The following KCNH7 variants were observed in gnomAD, a reference collection of about 807,000 sequenced individuals.
The protein encoded by KCNH7 is potassium voltage-gated channel subfamily H member 7.
KCNH7 carries 49 observed loss-of-function variants against 120.8 expected under a neutral mutation model. The ratio of observed to expected loss-of-function variants is 0.41; its 90% CI spans 0.32 to 0.51. The LOEUF is 0.51. KCNH7 is among the 20% of genes least tolerant of loss of function. The pLI, the probability that KCNH7 is intolerant of heterozygous loss-of-function variation, is 0.38. For missense variants in KCNH7, 1,097 were observed against 1,446.6 expected, an observed-to-expected ratio of 0.76 and a Z score of 3.92; for synonymous variants, 547 against 516.1, an observed-to-expected ratio of 1.06 and a Z score of -0.81.
intron 2 of KCNH7, among the ~76,000 whole-genome samples, chr2:162,744,523 T>C (rs1340486265): frequency 6.6e-6 from 1 of 151,588 alleles, no homozygotes; most frequent in African/African-American, 2.4e-5. Context: ...AGCTGTGTCC[T>C]GACCGTTTAG....
At chr2:162,528,982 T>C (rs1199139727) in intron 3 of KCNH7, among the ~76,000 whole-genome samples, 3 of 151,948 alleles carry the variant, frequency 2.0e-5, no homozygotes, top group South Asian at 2.1e-4. Context: ...GGATAATGAC[T>C]ATTCATAATG....
At chr2:162,774,698 C>A (rs1683172268) in intron 2 of KCNH7, among the ~76,000 whole-genome samples, 2 of 152,072 alleles carry the variant, frequency 1.3e-5, no homozygotes, top group African/African-American at 4.8e-5. Flanking sequence ...CTTTTTATCA[C>A]AGAAAATTCT....
At chr2:162,413,408 T>C (rs549176358) in intron 9 of KCNH7, among the ~76,000 whole-genome samples, 1 of 152,108 alleles carries the variant, frequency 6.6e-6, no homozygotes, top group Non-Finnish European at 1.5e-5. Context: ...ATTACAGGGG[T>C]GAGCCACTGT....
chr2:162,820,191 C>T (rs1346410066), intron 2 of KCNH7, among the ~76,000 whole-genome samples: 1 of 131,930 alleles, frequency 7.6e-6, no homozygotes, highest in African/African-American at 2.8e-5. Context: ...AGGCGCCCAG[C>T]ACCACGCCCG....
At chr2:162,563,872 G>C (rs1359771478) in intron 2 of KCNH7, among the ~76,000 whole-genome samples, 1 of 152,004 alleles carries the variant, frequency 6.6e-6, no homozygotes, top group Admixed American at 6.6e-5. Flanking sequence ...CCTTGCACCT[G>C]GTGTGTACAG....
At chr2:162,430,019 A>G (rs1688012954) in intron 8 of KCNH7, among the ~76,000 whole-genome samples, 1 of 151,746 alleles carries the variant, frequency 6.6e-6, no homozygotes, top group Non-Finnish European at 1.5e-5. Context: ...TATACATTTA[A>G]CCTTCTTCAA....
chr2:162,762,393 G>GA (rs925023918), intron 2 of KCNH7, among the ~76,000 whole-genome samples: 3 of 8,634 alleles, frequency 3.5e-4, no homozygotes, highest in African/African-American at 6.8e-4. Flanking sequence ...GACTAACACT[G>GA]GGACAGGGAG....
chr2:162,656,464 T>C (rs965026954), intron 2 of KCNH7, among the ~76,000 whole-genome samples: 1 of 152,160 alleles, frequency 6.6e-6, no homozygotes, highest in Non-Finnish European at 1.5e-5. Context: ...CCATCATTTT[T>C]TGTAAGAAAA....
intron 9 of KCNH7, among the ~76,000 whole-genome samples, chr2:162,416,351 C>A (rs1687541226): frequency 7.0e-6 from 1 of 143,586 alleles, no homozygotes; most frequent in Non-Finnish European, 1.5e-5. Flanking sequence ...CCATCCTGAG[C>A]AACAGTGTGA....
intron 7 of KCNH7, among the ~76,000 whole-genome samples, chr2:162,441,551 C>T (rs1688415083): frequency 6.6e-6 from 1 of 151,990 alleles, no homozygotes; most frequent in South Asian, 2.1e-4. Flanking sequence ...TAATTAATTG[C>T]AAGAATCCTA....
intron 2 of KCNH7, among the ~76,000 whole-genome samples, chr2:162,553,323 G>A (rs1374403173): frequency 6.6e-6 from 1 of 152,160 alleles, no homozygotes; most frequent in Non-Finnish European, 1.5e-5. Context: ...AAGAGCCACA[G>A]GGGGCACTTT....
chr2:162,504,906 A>T (rs533698711), intron 5 of KCNH7, among the ~76,000 whole-genome samples: 1 of 152,120 alleles, frequency 6.6e-6, no homozygotes, highest in East Asian at 1.9e-4. Flanking sequence ...TTAGCTGTTA[A>T]TTAGTTTCTT....
At chr2:162,471,901 T>C (rs1689549077) in intron 6 of KCNH7, among the ~76,000 whole-genome samples, 1 of 152,100 alleles carries the variant, frequency 6.6e-6, no homozygotes, top group Non-Finnish European at 1.5e-5. Context: ...TATAGACCAA[T>C]GGAACAGAAC....
At chr2:162,486,548 C>T (rs1322586933) in intron 6 of KCNH7, among the ~76,000 whole-genome samples, 1 of 152,054 alleles carries the variant, frequency 6.6e-6, no homozygotes, top group Admixed American at 6.6e-5. Context: ...AAAAAGAAAC[C>T]TATGTGAGCT....
At chr2:162,674,570 G>A (rs536884120) in intron 2 of KCNH7, among the ~76,000 whole-genome samples, 102 of 151,598 alleles carry the variant, frequency 6.7e-4, no homozygotes, top group African/African-American at 2.2e-3. Context: ...TAAATTTAGG[G>A]GATCTATCCA....
At chr2:162,398,318 CT>C (rs1465319198) in intron 10 of KCNH7, among the ~76,000 whole-genome samples, 2 of 151,734 alleles carry the variant, frequency 1.3e-5, no homozygotes, top group Non-Finnish European at 2.9e-5. Flanking sequence ...CTATAATATT[CT>C]TGTTTTACAA....
At chr2:162,490,207 C>A (rs942748274) in intron 6 of KCNH7, among the ~76,000 whole-genome samples, 1 of 152,224 alleles carries the variant, frequency 6.6e-6, no homozygotes, top group Non-Finnish European at 1.5e-5. Flanking sequence ...CAAACATGCC[C>A]GCAGTGGCCT....
rs566203218 is a variant in KCNH7, at chr2:162,794,248, A to T, written c.307+42289T>A. Among the ~76,000 whole-genome samples the T allele has an allele frequency of 8.0e-5, 12 of 149,772 alleles. No individual in the cohort carries two copies. The South Asian group carries it at 2.5e-3, about 31-fold the overall frequency. On this transcript the variant is annotated intron_variant, in intron 2 of 15. Transcript: ENST00000332142. The stretch of plus-strand genomic sequence containing the variant: ...AAGGAAGGAAGGGCAGGAGGGAGAG[A>T]AGGAAGGAAGGAAGGAAGAGGAAAA...
intron 2 of KCNH7, among the ~76,000 whole-genome samples, chr2:162,616,122 C>T (rs1171744478): frequency 6.6e-6 from 1 of 152,112 alleles, no homozygotes; most frequent in Non-Finnish European, 1.5e-5. Context: ...AGGCATGACC[C>T]ATCAGTCCAG....
Sources: allele counts gnomAD v4.1 joint callset (sites outside exome capture counted in the v4.1 genomes callset), GRCh38; gene constraint gnomAD v4.1.1; transcripts MANE v1.5; gene names NCBI Gene and HGNC (gene_info 2026-07-23, HGNC 2026-07-21).